The following KIAA1549L variants were observed in gnomAD, a reference collection of about 807,000 sequenced individuals.
KIAA1549L encodes UPF0606 protein KIAA1549L.
In KIAA1549L, 88 loss-of-function variants were observed where a neutral mutation model predicts 160.7. The observed-to-expected ratio is 0.55, with a 90% confidence interval of 0.46 to 0.65. The LOEUF is 0.65. KIAA1549L is among the 30% of genes least tolerant of loss of function. The pLI, the probability that KIAA1549L is intolerant of heterozygous loss-of-function variation, is 0.00. For synonymous variants in KIAA1549L, 950 were observed against 976.7 expected (o/e 0.97, Z 0.51); for missense variants, 2,258 against 2,437.5 (o/e 0.93, Z 1.55).
intron 16 of KIAA1549L, among the ~76,000 whole-genome samples, chr11:33,638,422 TAAAAAAA>T (rs371077129): frequency 2.3e-5 from 1 of 43,638 alleles, no homozygotes; most frequent in Non-Finnish European, 3.9e-5. Context: ...CTAAAATAAA[TAAAAAAA>T]AAAAAAATAA....
At chr11:33,578,799 A>C (rs1019481697) in intron 10 of KIAA1549L, among the ~76,000 whole-genome samples, 17 of 152,216 alleles carry the variant, frequency 1.1e-4, no homozygotes, top group Non-Finnish European at 2.4e-4. Context: ...CCTGAGGCAC[A>C]GCCCTCTGTC....
At chr11:33,420,484 C>G (rs990604172) in intron 1 of KIAA1549L, among the ~76,000 whole-genome samples, 10 of 152,112 alleles carry the variant, frequency 6.6e-5, no homozygotes, top group African/African-American at 2.4e-4. Context: ...ACCTTGGCCT[C>G]CCAAAGTGTT....
intron 8 of KIAA1549L, among the ~76,000 whole-genome samples, chr11:33,562,880 C>T (rs896669931): frequency 5.3e-5 from 8 of 151,818 alleles, no homozygotes; most frequent in East Asian, 2.0e-4. Context: ...GGGGTTTCAC[C>T]ATGTTGGCCA....
At chr11:33,417,245 C>T (rs1002684044) in intron 1 of KIAA1549L, among the ~76,000 whole-genome samples, 4 of 152,104 alleles carry the variant, frequency 2.6e-5, no homozygotes, top group African/African-American at 7.2e-5. Context: ...ACTTTCTGAT[C>T]GTAGTTCAGT....
At chr11:33,659,037 C>G in intron 19 of KIAA1549L, 139 bp downstream of exon 19, 7 of 916,984 alleles carry the variant, frequency 7.6e-6, no homozygotes, top group Non-Finnish European at 1.1e-5. Context: ...CCCCTCATAA[C>G]TTCAGGAGCC....
intron 1 of KIAA1549L, among the ~76,000 whole-genome samples, chr11:33,514,914 C>T (rs990588349): frequency 3.9e-5 from 6 of 152,146 alleles, no homozygotes; most frequent in African/African-American, 1.4e-4. Flanking sequence ...TTTAATTTGA[C>T]TTATTGCCTT....
chr11:33,526,100 T>A (rs1283290615), intron 1 of KIAA1549L, among the ~76,000 whole-genome samples: 1 of 152,034 alleles, frequency 6.6e-6, no homozygotes, highest in Admixed American at 6.6e-5. Context: ...ACCTATTGCC[T>A]GAGAAACCCA....
At chr11:33,534,559 A>T (rs1287310312) in intron 1 of KIAA1549L, among the ~76,000 whole-genome samples, 1 of 120,660 alleles carries the variant, frequency 8.3e-6, no homozygotes, top group Non-Finnish European at 1.7e-5. Context: ...ATTTGGCTAG[A>T]ATGGCTTAGT....
At chr11:33,549,577 T>A (rs558239611) in intron 4 of KIAA1549L, among the ~76,000 whole-genome samples, 8 of 152,172 alleles carry the variant, frequency 5.3e-5, no homozygotes, top group Non-Finnish European at 1.0e-4. Context: ...GAGCACCATC[T>A]TCATGAAAAA....
At chr11:33,667,389 C>A (rs1224455918) in intron 20 of KIAA1549L, among the ~76,000 whole-genome samples, 1 of 151,790 alleles carries the variant, frequency 6.6e-6, no homozygotes, top group Non-Finnish European at 1.5e-5. Context: ...GTGAGTGAGT[C>A]CAAATTACCT....
At chr11:33,391,158 G>T (rs16924257) in intron 1 of KIAA1549L, among the ~76,000 whole-genome samples, 1 of 152,264 alleles carries the variant, frequency 6.6e-6, no homozygotes, top group African/African-American at 2.4e-5. Flanking sequence ...GGCACTCAGC[G>T]ATGCTTTATA....
chr11:33,604,812 G>C (rs1462289813), intron 13 of KIAA1549L, among the ~76,000 whole-genome samples: 1 of 152,080 alleles, frequency 6.6e-6, no homozygotes, highest in African/African-American at 2.4e-5. Flanking sequence ...GAGGGTGAGG[G>C]GGGAGTGAGG....
intron 20 of KIAA1549L, chr11:33,665,489 C>T (rs1590467763): frequency 6.6e-6 from 1 of 152,346 alleles, no homozygotes; most frequent in African/African-American, 2.4e-5. Context: ...GAGGGTAGTT[C>T]CTCTCTGCTG....
Position 33,650,330 on chromosome 11 carries a change from G to A in KIAA1549L, c.5760+4294G>A, listed in dbSNP as rs1356145233. ...GGTACAGCAAGGCTGTGTGAGAAGGGAGAGAGGGAAGGTGGGAGAGGAAGG... is the reference window on the plus strand; with the variant it reads ...GGTACAGCAAGGCTGTGTGAGAAGGAAGAGAGGGAAGGTGGGAGAGGAAGG... On this transcript the variant is annotated intron_variant, in intron 17 of 20. Transcript: ENST00000658780. Among the ~76,000 whole-genome samples, 5 of 152,326 alleles carry A rather than the reference G, an allele frequency of 3.3e-5. No individual in the cohort carries two copies. The East Asian group carries it at 9.6e-4, about 29-fold the overall frequency.
At chr11:33,561,439 T>A (rs1439327728) in intron 7 of KIAA1549L, among the ~76,000 whole-genome samples, 2 of 152,206 alleles carry the variant, frequency 1.3e-5, no homozygotes, top group Non-Finnish European at 1.5e-5. Flanking sequence ...ATTTAGCCGC[T>A]TGCTATTTTG....
chr11:33,570,343 T>C (rs981505483), intron 9 of KIAA1549L, among the ~76,000 whole-genome samples: 2 of 152,110 alleles, frequency 1.3e-5, no homozygotes, highest in African/African-American at 4.8e-5. Context: ...TTGGCCCCTT[T>C]AGCTGCCTGG....
rs1854315176 is a variant in KIAA1549L, at chr11:33,547,797, G to C, written c.3419G>C (p.Ser1140Thr). 6.2e-7 allele frequency: 1 copy of C among 1,613,426 alleles called. No individual in the cohort carries two copies. The highest frequency in any genetic ancestry group is 8.5e-7 in the Non-Finnish European group (1 of 1,179,640). The change falls in exon 4 of 21, where the codon AGT becomes ACT. Residue 1140 changes from serine to threonine, a missense_variant. Ser to Thr is a moderately conservative substitution (Grantham distance 58, BLOSUM62 1). Around this residue, in one of 6 missense-constraint regions of KIAA1549L, gnomAD observed 1,359 missense variants for 1,546.6 expected, o/e 0.88. Transcript: ENST00000658780. ...CTCACCCAAAGGAGAGTGCAGATCA[G>C]TGAATCCTTGAAGTTCAGTATCGCC... ...LFLTQRRVQISESLKFSIAKG... is the reference protein window; with the variant it reads ...LFLTQRRVQITESLKFSIAKG...
chr11:33,439,009 C>G (rs1166498186), intron 1 of KIAA1549L, among the ~76,000 whole-genome samples: 3 of 152,116 alleles, frequency 2.0e-5, no homozygotes, highest in African/African-American at 7.2e-5. Context: ...TCACTGCAAC[C>G]TCTGCCTCTC....
intron 1 of KIAA1549L, among the ~76,000 whole-genome samples, chr11:33,527,571 A>C (rs555090101): frequency 1.3e-5 from 2 of 152,334 alleles, no homozygotes; most frequent in South Asian, 4.1e-4. Context: ...TGCAACAAAA[A>C]CAAAGATAAA....
Sources: gnomAD v4.1 joint callset for allele counts (sites outside exome capture counted in the v4.1 genomes callset) on GRCh38, gnomAD v4.1.1 for gene constraint, gnomAD v4.1.1 regional missense constraint, MANE v1.5 for transcripts, NCBI Gene and HGNC (gene_info 2026-07-23, HGNC 2026-07-21) for gene names.